Variants in SV2C observed in about 807,000 individuals in gnomAD.
SV2C encodes the protein solute carrier family 22 member B3.
A neutral mutation model predicts 79.7 loss-of-function variants in SV2C; 49 were observed. The ratio of observed to expected loss-of-function variants is 0.61; its 90% confidence interval spans 0.49 to 0.78. SV2C has a LOEUF of 0.78. SV2C is among the 30% of genes least tolerant of loss of function. The probability of loss-of-function intolerance (pLI) is 0.00; values close to 1 mark genes in which losing one functional copy is unlikely to be tolerated. For synonymous variants in SV2C, 334 were observed against 333.2 expected (o/e 1.00, Z -0.03); for missense variants, 833 against 912.9 (o/e 0.91, Z 1.13).
chr5:76,298,818 T>C lies in SV2C; in HGVS notation c.1527T>C (p.Ser509=). ...GATTCATAGGGGTCAAGTTCAAATCTGTAACTTTCAAAGACTCTGTTTTTA... is the reference window on the plus strand; with the variant it reads ...GATTCATAGGGGTCAAGTTCAAATCCGTAACTTTCAAAGACTCTGTTTTTA... The part of the protein sequence containing the change: ...NGRFIGVKFK[S]VTFKDSVFKS... The change falls in exon 10 of 13, where the codon TCT becomes TCC. Residue 509 remains serine (S), a synonymous_variant. Transcript: ENST00000502798. 6.2e-7 allele frequency: 1 copy of C among 1,613,966 alleles called. No homozygotes were observed. The highest frequency in any genetic ancestry group is 8.5e-7 in the Non-Finnish European group (1 of 1,179,862).
At chr5:75,955,060 G>T in the SV2C span, among the ~76,000 whole-genome samples, 1 of 141,026 alleles carries the variant, frequency 7.1e-6, no homozygotes, top group African/African-American at 2.9e-5. Flanking sequence ...AGTTCATATG[G>T]AACCAAAAAA....
At chr5:75,887,201 AT>A in the SV2C span, among the ~76,000 whole-genome samples, 2 of 152,086 alleles carry the variant, frequency 1.3e-5, no homozygotes, top group African/African-American at 2.4e-5. Flanking sequence ...GAGATTTATC[AT>A]TTTTTTGTGT....
At chr5:75,910,345 A>G in the SV2C span, 37 of 557,894 alleles carry the variant, frequency 6.6e-5, no homozygotes, top group South Asian at 5.1e-4. Context: ...AAAGGAGATC[A>G]TTATTCCCTA....
chr5:75,984,235 G>A, the SV2C span, among the ~76,000 whole-genome samples: 1 of 152,074 alleles, frequency 6.6e-6, no homozygotes, highest in South Asian at 2.1e-4. Context: ...ATAGACATAA[G>A]TTACCAAAAA....
chr5:76,333,555 T>C lies in SV2C; in HGVS notation c.*8008T>C, dbSNP rs1199333021. On this transcript the variant is annotated 3_prime_UTR_variant, in exon 13 of 13. Coordinates refer to ENST00000502798, the MANE Select transcript of SV2C (RefSeq NM_014979.4). Reference sequence around the variant, plus strand: ...TATTCTTCCTGTTTTTAATGCTGTGTAAGATCTCCTGCTATGAATGTTCCA... The same window carrying C: ...TATTCTTCCTGTTTTTAATGCTGTGCAAGATCTCCTGCTATGAATGTTCCA... 2.0e-5 allele frequency: 3 copies of C among 152,238 alleles called. No individual in the cohort carries two copies. Among genetic ancestry groups the C allele is most frequent in the Non-Finnish European group, 4.4e-5 (3 of 68,056 alleles). 9.4% of individuals were successfully genotyped at this position (152,238 alleles called of 1,614,324 possible).
intron 2 of SV2C, among the ~76,000 whole-genome samples, chr5:76,149,916 A>G (rs1489913876): frequency 6.6e-6 from 1 of 151,754 alleles, no homozygotes; most frequent in South Asian, 2.1e-4. Context: ...TTATAATGTG[A>G]CTCCTTCCAT....
chr5:75,957,170 G>A, the SV2C span, among the ~76,000 whole-genome samples: 1 of 151,890 alleles, frequency 6.6e-6, no homozygotes, highest in Non-Finnish European at 1.5e-5. Flanking sequence ...AAGCCTAGAA[G>A]CTCCTAAAAT....
chr5:75,967,894 C>T, the SV2C span, among the ~76,000 whole-genome samples: 6 of 152,224 alleles, frequency 3.9e-5, no homozygotes, highest in African/African-American at 1.4e-4. Context: ...CCCTGACCCC[C>T]AAGTAGCCTA....
upstream of SV2C, chr5:76,079,472 G>T (rs1862519): frequency 3.5e-6 from 1 of 284,388 alleles, no homozygotes; most frequent in South Asian, 4.7e-5. Context: ...AGAAGGGAGA[G>T]AATTGGATTG....
At chr5:76,162,958 C>T (rs548921249) in intron 2 of SV2C, among the ~76,000 whole-genome samples, 3 of 152,220 alleles carry the variant, frequency 2.0e-5, no homozygotes, top group Non-Finnish European at 2.9e-5. Context: ...TGAAGAGACT[C>T]TGATGAAGCC....
At chr5:76,071,259 A>G in the SV2C span, among the ~76,000 whole-genome samples, 2 of 152,320 alleles carry the variant, frequency 1.3e-5, no homozygotes, top group South Asian at 4.1e-4. Flanking sequence ...TGTCAGTCAT[A>G]AAAGTGTGAT....
the SV2C span, among the ~76,000 whole-genome samples, chr5:75,890,091 T>A: frequency 1.6e-4 from 24 of 152,158 alleles, no homozygotes; most frequent in African/African-American, 5.5e-4. Flanking sequence ...AACATCTGGC[T>A]TCCTGTGCTA....
intron 4 of SV2C, among the ~76,000 whole-genome samples, chr5:76,274,316 A>G (rs1746958428): frequency 6.6e-6 from 1 of 152,202 alleles, no homozygotes. Context: ...TTCAGAATGG[A>G]GGACTATAAT....
At chr5:76,294,529 T>C (rs751389599) in intron 8 of SV2C, among the ~76,000 whole-genome samples, 6 of 152,210 alleles carry the variant, frequency 3.9e-5, no homozygotes, top group Non-Finnish European at 5.9e-5. Flanking sequence ...CTCGATCTCC[T>C]GACCTTGTGA....
intron 4 of SV2C, among the ~76,000 whole-genome samples, chr5:76,216,370 C>T (rs1485224460): frequency 1.3e-5 from 2 of 152,196 alleles, no homozygotes; most frequent in African/African-American, 4.8e-5. Context: ...CATTCAGGAA[C>T]TTCTGGGCCA....
intron 2 of SV2C, chr5:76,170,789 CG>C (rs1743199716): frequency 4.3e-6 from 1 of 229,980 alleles, no homozygotes; most frequent in Non-Finnish European, 8.2e-6. Flanking sequence ...TCGAAGGCGC[CG>C]CGGGCTGGGG....
chr5:76,325,343 T>C (rs769912562), intron 12 of SV2C, 21 bp from the exon 13 acceptor site: 2 of 1,612,954 alleles, frequency 1.2e-6, no homozygotes, highest in Non-Finnish European at 1.7e-6. Context: ...TCAACCTTGT[T>C]CATGTCTCTT....
the SV2C span, among the ~76,000 whole-genome samples, chr5:76,001,419 T>C: frequency 6.6e-6 from 1 of 152,080 alleles, no homozygotes; most frequent in Admixed American, 6.6e-5. Context: ...GCTAACACGC[T>C]GGTCTACCCC....
chr5:75,936,306 A>G, the SV2C span, among the ~76,000 whole-genome samples: 1 of 152,134 alleles, frequency 6.6e-6, no homozygotes, highest in Non-Finnish European at 1.5e-5. Flanking sequence ...CTTGTTTTTA[A>G]TCATCCTTGG....
Sources: gnomAD v4.1 joint callset for allele counts (sites outside exome capture counted in the v4.1 genomes callset) on GRCh38, gnomAD v4.1.1 for gene constraint, MANE v1.5 for transcripts, NCBI Gene and HGNC (gene_info 2026-07-23, HGNC 2026-07-21) for gene names.